The following C2orf66 variants were observed in gnomAD, a reference collection of about 807,000 sequenced individuals.
The protein encoded by C2orf66 is chromosome 2 open reading frame 66, also known as uncharacterized protein C2orf66.
Under a neutral mutation model 7.0 loss-of-function variants are expected in C2orf66, and 6 were observed. The ratio of observed to expected loss-of-function variants is 0.86; its 90% CI spans 0.47 to 1.69. The LOEUF is 1.69. C2orf66 is among the 40% of genes most tolerant of loss of function. The pLI is 0.01. For synonymous variants in C2orf66, 38 were observed against 43.8 expected, an observed-to-expected ratio of 0.87 and a Z score of 0.52; for missense variants, 107 against 112.0, an observed-to-expected ratio of 0.96 and a Z score of 0.20.
chr2:196,814,074 A>G (rs1418340211), upstream of C2orf66, among the ~76,000 whole-genome samples: 2 of 152,244 alleles, frequency 1.3e-5, no homozygotes, highest in Non-Finnish European at 2.9e-5. Context: ...ATTACTGGGT[A>G]TACACCCAAA....
chr2:196,816,104 C>A, the C2orf66 span, among the ~76,000 whole-genome samples: 1 of 152,140 alleles, frequency 6.6e-6, no homozygotes, highest in Non-Finnish European at 1.5e-5. Context: ...AGAAATAAAC[C>A]TCTTGTGATA....
chr2:196,828,896 A>G, the C2orf66 span, among the ~76,000 whole-genome samples: 16 of 152,334 alleles, frequency 1.1e-4, no homozygotes, highest in African/African-American at 3.4e-4. Flanking sequence ...CAGATGGGAC[A>G]GCAACCTGGT....
At chr2:196,818,371 G>A in the C2orf66 span, among the ~76,000 whole-genome samples, 1 of 152,240 alleles carries the variant, frequency 6.6e-6, no homozygotes, top group African/African-American at 2.4e-5. Context: ...TGACCTCACA[G>A]CTGCTGCTTC....
chr2:196,809,568 G>A, upstream of C2orf66: 1 of 496,228 alleles, frequency 2.0e-6, no homozygotes, highest in Non-Finnish European at 3.6e-6. Flanking sequence ...TAATGAGAAT[G>A]TTATACAGTG....
At chr2:196,805,839 C>A (rs994972924) in intron 2 of C2orf66, among the ~76,000 whole-genome samples, 1 of 152,154 alleles carries the variant, frequency 6.6e-6, no homozygotes, top group African/African-American at 2.4e-5. Context: ...TTCTCTGATA[C>A]CCTAAGGCCT....
At chr2:196,805,989 T>C (rs1364854230) in intron 2 of C2orf66, among the ~76,000 whole-genome samples, 1 of 152,196 alleles carries the variant, frequency 6.6e-6, no homozygotes, top group African/African-American at 2.4e-5. Flanking sequence ...AATCATTATT[T>C]TTTAATCATC....
chr2:196,818,184 C>G, the C2orf66 span, among the ~76,000 whole-genome samples: 1 of 152,214 alleles, frequency 6.6e-6, no homozygotes, highest in African/African-American at 2.4e-5. Context: ...ATTCGGGGTC[C>G]CTGACTTCCT....
chr2:196,818,561 C>T, the C2orf66 span, among the ~76,000 whole-genome samples: 3 of 152,192 alleles, frequency 2.0e-5, no homozygotes, highest in African/African-American at 4.8e-5. Flanking sequence ...AGCCATTTCT[C>T]CTACAGCTAA....
chr2:196,808,204 G>C (rs377615050), intron 1 of C2orf66, among the ~76,000 whole-genome samples: 1 of 152,184 alleles, frequency 6.6e-6, no homozygotes. Context: ...CCAGAACAAG[G>C]CTAATTCATA....
At chr2:196,826,415 T>C in the C2orf66 span, among the ~76,000 whole-genome samples, 1 of 152,214 alleles carries the variant, frequency 6.6e-6, no homozygotes, top group South Asian at 2.1e-4. Flanking sequence ...AATAAGAGTT[T>C]GCAATCAAAA....
chr2:196,817,563 A>ACAAGGGTTCT, the C2orf66 span, among the ~76,000 whole-genome samples: 588 of 152,154 alleles, frequency 3.9e-3, 4 homozygotes, highest in Non-Finnish European at 6.5e-3. Flanking sequence ...AACATCTTAA[A>ACAAGGGTTCT]CAACAGAAAA....
chr2:196,814,593 A>AT, the C2orf66 span, among the ~76,000 whole-genome samples: 2 of 152,212 alleles, frequency 1.3e-5, no homozygotes, highest in South Asian at 2.1e-4. Flanking sequence ...CAAAAAAAAA[A>AT]TTTTTACTGA....
chr2:196,805,242 ATCATAG>A lies in C2orf66; in HGVS notation c.*180_*185del, dbSNP rs1189879348. On this transcript the variant is annotated 3_prime_UTR_variant, in exon 3 of 3. Transcript: ENST00000342506. ...AAAAACTCCATAAATATGCATAGAA[ATCATAG>A]TTCCAGCGATTTATATGTAAATATG... 13 of 152,210 alleles carry A rather than the reference ATCATAG, an allele frequency of 8.5e-5. No homozygotes were observed. The highest frequency in any genetic ancestry group is 2.9e-4 in the African/African-American group (12 of 41,464). 9.4% of individuals were successfully genotyped at this position (152,210 alleles called of 1,614,324 possible). A position where few individuals can be genotyped will look rare whatever the true frequency, so the allele number is the denominator to read the frequency against.
At chr2:196,818,159 C>A in the C2orf66 span, among the ~76,000 whole-genome samples, 1 of 152,226 alleles carries the variant, frequency 6.6e-6, no homozygotes, top group African/African-American at 2.4e-5. Flanking sequence ...TGCTGCGGCT[C>A]CAGCCAGTCC....
intron 2 of C2orf66, among the ~76,000 whole-genome samples, chr2:196,806,693 A>C (rs529208630): frequency 7.3e-5 from 11 of 151,504 alleles, no homozygotes; most frequent in Non-Finnish European, 1.3e-4. Flanking sequence ...TACTAAAAAA[A>C]AAAAATACAA....
At chr2:196,825,606 G>A in the C2orf66 span, among the ~76,000 whole-genome samples, 1 of 152,130 alleles carries the variant, frequency 6.6e-6, no homozygotes, top group Non-Finnish European at 1.5e-5. Context: ...GCTATTGGAG[G>A]GGGAGACAAT....
intron 2 of C2orf66, among the ~76,000 whole-genome samples, chr2:196,805,891 A>G (rs1699814583): frequency 6.6e-6 from 1 of 152,210 alleles, no homozygotes; most frequent in African/African-American, 2.4e-5. Flanking sequence ...TTAACATCTT[A>G]CTGTTTCTTC....
upstream of C2orf66, chr2:196,809,564 G>A (rs1699854147): frequency 1.9e-6 from 1 of 535,934 alleles, no homozygotes; most frequent in African/African-American, 1.9e-5. Context: ...ATGATAATGA[G>A]AATGTTATAC....
At chr2:196,823,238 A>T in the C2orf66 span, among the ~76,000 whole-genome samples, 1 of 152,214 alleles carries the variant, frequency 6.6e-6, no homozygotes, top group Non-Finnish European at 1.5e-5. Flanking sequence ...AAGTTGCCAA[A>T]ATGAATGTTA....
Sources: gnomAD v4.1 joint callset for allele counts (sites outside exome capture counted in the v4.1 genomes callset) on GRCh38, gnomAD v4.1.1 for gene constraint, MANE v1.5 for transcripts, NCBI Gene and HGNC (gene_info 2026-07-23, HGNC 2026-07-21) for gene names.